The following CERKL variants were observed in gnomAD, a reference collection of about 807,000 sequenced individuals.
The protein encoded by CERKL is ceramide kinase-like protein.
A neutral mutation model predicts 63.4 loss-of-function variants in CERKL; 61 were observed. The observed-to-expected ratio is 0.96, with a 90% CI of 0.78 to 1.19. CERKL has a LOEUF of 1.19. CERKL is among the 50% of genes most tolerant of loss of function. CERKL has a pLI of 0.00. For missense variants in CERKL, 675 were observed against 655.5 expected (o/e 1.03, Z -0.33); for synonymous variants, 250 against 230.5 (o/e 1.08, Z -0.77).
intron 2 of CERKL, among the ~76,000 whole-genome samples, chr2:181,577,140 C>T (rs1684270988): frequency 6.6e-6 from 1 of 152,062 alleles, no homozygotes; most frequent in South Asian, 2.1e-4. Flanking sequence ...ATTTTGAGAA[C>T]CAACATTCTA....
intron 2 of CERKL, among the ~76,000 whole-genome samples, chr2:181,591,131 T>C (rs1382141033): frequency 1.3e-5 from 2 of 152,132 alleles, no homozygotes; most frequent in African/African-American, 2.4e-5. Context: ...TGCTGTTAAG[T>C]TTAAAAGGAA....
chr2:181,627,431 G>C (rs771419949), intron 1 of CERKL, among the ~76,000 whole-genome samples: 3 of 152,114 alleles, frequency 2.0e-5, no homozygotes, highest in African/African-American at 2.4e-5. Flanking sequence ...AAATTACCAG[G>C]AGTTGCCTCA....
intron 2 of CERKL, among the ~76,000 whole-genome samples, chr2:181,577,004 G>T (rs58716781): frequency 0.12 from 18,059 of 152,132 alleles, 1,219 homozygotes; most frequent in East Asian, 0.22. Context: ...TACCTGACGT[G>T]CTTCTTAAAA....
At chr2:181,649,131 G>GA (rs1212125930) in intron 1 of CERKL, among the ~76,000 whole-genome samples, 3 of 151,960 alleles carry the variant, frequency 2.0e-5, no homozygotes, top group Admixed American at 6.6e-5. Flanking sequence ...TGCAGGACTG[G>GA]AAAAAAAACT....
intron 4 of CERKL, among the ~76,000 whole-genome samples, chr2:181,559,595 A>G (rs994627903): frequency 6.6e-6 from 1 of 152,092 alleles, no homozygotes; most frequent in Admixed American, 6.6e-5. Context: ...GGCCTAATGG[A>G]CCCAGATCTG....
intron 1 of CERKL, among the ~76,000 whole-genome samples, chr2:181,650,791 G>T (rs28832432): frequency 0.17 from 24,583 of 148,506 alleles, 2,486 homozygotes; most frequent in African/African-American, 0.29. Flanking sequence ...AAAAAGAACA[G>T]AACAAACTAA....
At chr2:181,617,989 G>T (rs944155627) in intron 1 of CERKL, among the ~76,000 whole-genome samples, 7 of 152,204 alleles carry the variant, frequency 4.6e-5, no homozygotes, top group Non-Finnish European at 1.0e-4. Context: ...TGAGATTTCA[G>T]CTGTCTTCTA....
intron 1 of CERKL, among the ~76,000 whole-genome samples, chr2:181,615,746 T>C (rs138339689): frequency 9.5e-4 from 144 of 152,330 alleles, no homozygotes; most frequent in African/African-American, 3.3e-3. Context: ...CACACTTTAA[T>C]TGTTAGAAGA....
rs568440429 is a variant in CERKL, at chr2:181,629,692, T to G, written c.239-25613A>C. ...TTCAGAAAACTTTAGAACAAGCAAA[T>G]TCATGACATTGTTAGTGATATTCAG... On this transcript the variant is annotated intron_variant, in intron 1 of 12. Transcript: ENST00000410087. 5.9e-5 allele frequency among the ~76,000 whole-genome samples: 9 copies of G among 151,730 alleles called. No homozygotes were observed. The South Asian group carries it at 1.9e-3, about 32-fold the overall frequency.
rs1686849600 is a variant in CERKL, at chr2:181,629,319, T to C, written c.239-25240A>G. 2.0e-5 allele frequency among the ~76,000 whole-genome samples: 3 copies of C among 152,296 alleles called. No individual in the cohort carries two copies. The South Asian group carries it at 6.2e-4, about 32-fold the overall frequency. ...TTTCCTCTCAGGAACACAGTGGATT[T>C]AGATAACAGGGCAGTGTTGCACTTT... is the stretch of plus-strand genomic sequence containing the variant. On this transcript the variant is annotated intron_variant, in intron 1 of 12. Transcript: ENST00000410087.
chr2:181,542,445 G>T (rs372629210), intron 11 of CERKL, among the ~76,000 whole-genome samples: 1 of 152,094 alleles, frequency 6.6e-6, no homozygotes, highest in Non-Finnish European at 1.5e-5. Context: ...ACATAGATCT[G>T]ATTTTCATAA....
intron 1 of CERKL, among the ~76,000 whole-genome samples, chr2:181,637,320 A>G (rs2105499077): frequency 6.6e-6 from 1 of 152,286 alleles, no homozygotes; most frequent in East Asian, 1.9e-4. Context: ...AAAACAAAAA[A>G]CGGAAAGTAA....
At chr2:181,597,074 T>C (rs551706214) in intron 2 of CERKL, among the ~76,000 whole-genome samples, 6 of 152,162 alleles carry the variant, frequency 3.9e-5, no homozygotes, top group Non-Finnish European at 8.8e-5. Flanking sequence ...TAATGATAGT[T>C]TGTTATGTCT....
intron 1 of CERKL, among the ~76,000 whole-genome samples, chr2:181,628,947 G>A (rs968048852): frequency 6.6e-6 from 1 of 152,102 alleles, no homozygotes; most frequent in African/African-American, 2.4e-5. Flanking sequence ...ATAAGAACAC[G>A]CTTCTATGTC....
chr2:181,577,705 G>A (rs965380925), intron 2 of CERKL, among the ~76,000 whole-genome samples: 4 of 152,132 alleles, frequency 2.6e-5, no homozygotes, highest in Non-Finnish European at 5.9e-5. Context: ...GGCATGGGAG[G>A]CCAGGTGATG....
chr2:181,628,629 A>G (rs530130529), intron 1 of CERKL, among the ~76,000 whole-genome samples: 1 of 152,320 alleles, frequency 6.6e-6, no homozygotes, highest in South Asian at 2.1e-4. Context: ...AAATAATGAA[A>G]TTGAGATCTT....
At chr2:181,607,661 AG>A (rs550647242) in intron 1 of CERKL, among the ~76,000 whole-genome samples, 4 of 152,336 alleles carry the variant, frequency 2.6e-5, no homozygotes, top group Admixed American at 6.5e-5. Context: ...TTGAGCAAGT[AG>A]GCTTATGGCC....
At chr2:181,588,427 T>A (rs953896819) in intron 2 of CERKL, among the ~76,000 whole-genome samples, 1 of 152,206 alleles carries the variant, frequency 6.6e-6, no homozygotes, top group African/African-American at 2.4e-5. Context: ...AATGACAGGA[T>A]TTCCTTCTCT....
intron 11 of CERKL, among the ~76,000 whole-genome samples, 177 bp from the exon 12 acceptor site, chr2:181,539,441 A>G (rs930022251): frequency 6.6e-6 from 1 of 152,190 alleles, no homozygotes; most frequent in Non-Finnish European, 1.5e-5. Context: ...TCTCTTATCC[A>G]AAGCCTTTTG....
Sources: gnomAD v4.1 joint callset for allele counts (sites outside exome capture counted in the v4.1 genomes callset) on GRCh38, gnomAD v4.1.1 for gene constraint, MANE v1.5 for transcripts, NCBI Gene and HGNC (gene_info 2026-07-23, HGNC 2026-07-21) for gene names.